RPL30: variants seen among roughly 807,000 people sequenced by gnomAD.
The protein encoded by RPL30 is large ribosomal subunit protein eL30.
For synonymous variants in RPL30, 40 were observed against 50.4 expected (o/e 0.79, Z 0.87); for missense variants, 60 against 138.0 (o/e 0.43, Z 2.83).
Position 98,045,349 on chromosome 8 carries a change from T to G in RPL30, c.19A>C (p.Thr7Pro). 1 of 1,614,168 alleles carries G rather than the reference T, an allele frequency of 6.2e-7. No homozygotes were observed. Among genetic ancestry groups the G allele is most frequent in the Non-Finnish European group, 8.5e-7 (1 of 1,180,032 alleles). Residue 7 changes from threonine to proline, a missense_variant and splice_region_variant, in exon 2 of 5, where the codon ACG (threonine) becomes CCG (proline). Thr to Pro is a conservative substitution (Grantham distance 38, BLOSUM62 -1). Coordinates refer to ENST00000287038, the MANE Select transcript of RPL30 (RefSeq NM_000989.4). MVAAKK[T>P]KKSLESINSR... is the part of the protein sequence containing the mutation. ...CGGGCCTGGCCCGCCTCACTCACCG[T>G]CTTCTTTGCGGCCACCATCTTCCTG...
intron 2 of RPL30, 67 bp downstream of exon 2, chr8:98,045,280 T>G: frequency 6.2e-7 from 1 of 1,609,088 alleles, no homozygotes; most frequent in Non-Finnish European, 8.5e-7. Context: ...TGGGCTCACA[T>G]CTGCCCGCCC....
intron 4 of RPL30, 31 bp downstream of exon 4, chr8:98,042,614 A>AG (rs1224157323): frequency 1.3e-6 from 2 of 1,590,620 alleles, no homozygotes; most frequent in East Asian, 4.5e-5. Context: ...AAGGCAAAAA[A>AG]AAAAAAGACT....
chr8:98,045,309 A>ACGT (rs1490822817), intron 2 of RPL30, 38 bp downstream of exon 2: 1 of 1,613,846 alleles, frequency 6.2e-7, no homozygotes, highest in Admixed American at 1.7e-5. Context: ...ACATCTCTCC[A>ACGT]CGTGAATCGT....
intron 2 of RPL30, 48 bp downstream of exon 2, chr8:98,045,299 A>C: frequency 6.2e-7 from 1 of 1,613,688 alleles, no homozygotes; most frequent in Non-Finnish European, 8.5e-7. Context: ...CCTGGCCAAG[A>C]CATCTCTCCA....
At chr8:98,044,289 G>C (rs1019821512) in intron 3 of RPL30, 1 of 152,272 alleles carries the variant, frequency 6.6e-6, no homozygotes. Context: ...CCGAACCCAT[G>C]GGACAAGACA....
intron 4 of RPL30, 159 bp from the exon 5 acceptor site, chr8:98,042,009 TTTC>T (rs1563744346): frequency 1.4e-6 from 1 of 718,236 alleles, no homozygotes; most frequent in Non-Finnish European, 2.5e-6. Flanking sequence ...TACTGTCATT[TTTC>T]TTAAGGTTGA....
chr8:98,041,865 T>TAAA lies in RPL30; in HGVS notation c.299-18_299-16dup, dbSNP rs746592489. 6.4e-7 allele frequency: 1 copy of TAAA among 1,558,786 alleles called. No individual in the cohort carries two copies. The highest frequency in any genetic ancestry group is 2.2e-5 in the East Asian group (1 of 44,516). ...GTCAGAGTCACCTAAAAAATAAAAA[T>TAAA]AAAAAAACAGTAATTTTACAATTCA... is the stretch of plus-strand genomic sequence containing the variant. On this transcript the variant is annotated splice_polypyrimidine_tract_variant and intron_variant, in intron 4 of 4. Transcript: ENST00000287038.
chr8:98,042,061 A>G, intron 4 of RPL30: 1 of 708,872 alleles, frequency 1.4e-6, no homozygotes, highest in Non-Finnish European at 2.6e-6. Context: ...ATATAATCAC[A>G]TAAAATGATC....
intron 4 of RPL30, chr8:98,042,204 G>A (rs752337134): frequency 3.6e-6 from 2 of 554,334 alleles, no homozygotes; most frequent in East Asian, 4.8e-5. Context: ...TCAGAACAGC[G>A]AGAATATTCG....
At chr8:98,042,179 C>T (rs770841667) in intron 4 of RPL30, 9 of 573,564 alleles carry the variant, frequency 1.6e-5, no homozygotes, top group Non-Finnish European at 3.0e-5. Context: ...TTAGCCTGTC[C>T]TGACTATTAC....
chr8:98,042,552 G>T, intron 4 of RPL30, 93 bp downstream of exon 4: 1 of 1,233,146 alleles, frequency 8.1e-7, no homozygotes, highest in Non-Finnish European at 1.1e-6. Flanking sequence ...CTGAATTTAG[G>T]AACCAAAGAC....
In RPL30 at chr8:98,045,184, G is replaced by A; in HGVS notation, c.22-96C>T. ...TTGAAGCCGAGCCCCTTAAACTTCC[G>A]AAGTCGAGGACCCCAAGTCATTGAG... On this transcript the variant is annotated intron_variant, in intron 2 of 4. Coordinates refer to ENST00000287038, the MANE Select transcript of RPL30 (RefSeq NM_000989.4). 5.8e-6 allele frequency: 9 copies of A among 1,550,988 alleles called. No homozygotes were observed. The South Asian group carries it at 5.9e-5, about 10-fold the overall frequency.
At chr8:98,042,535 A>ATTCT (rs2130480303) in intron 4 of RPL30, 110 bp downstream of exon 4, 1 of 1,053,780 alleles carries the variant, frequency 9.5e-7, no homozygotes, top group Admixed American at 2.2e-5. Context: ...CTAGATCCAT[A>ATTCT]TTCTATCTGA....
intron 4 of RPL30, chr8:98,042,419 AATTC>A (rs1311212050): frequency 4.1e-6 from 2 of 487,208 alleles, no homozygotes; most frequent in East Asian, 7.9e-5. Flanking sequence ...CATCAAATGA[AATTC>A]ATTATCTGAC....
At chr8:98,042,056 A>G (rs1463721956) in intron 4 of RPL30, 1 of 710,102 alleles carries the variant, frequency 1.4e-6, no homozygotes, top group East Asian at 2.7e-5. Context: ...CCATTATATA[A>G]TCACATAAAA....
intron 3 of RPL30, 37 bp from the exon 4 acceptor site, chr8:98,042,812 T>TAC: frequency 3.3e-6 from 5 of 1,531,924 alleles, no homozygotes; most frequent in Non-Finnish European, 4.4e-6. Flanking sequence ...ATAAATGCGA[T>TAC]ACCAAGTGAC....
In RPL30 at chr8:98,041,735, A is replaced by C; in HGVS notation, c.*66T>G. ...TAGATACAATGTTTTTAAAACAAGCAAATTTTATTAAAGGAAAATTTTGCA... is the reference window on the plus strand; with the variant it reads ...TAGATACAATGTTTTTAAAACAAGCCAATTTTATTAAAGGAAAATTTTGCA... On this transcript the variant is annotated 3_prime_UTR_variant, in exon 5 of 5. Transcript: ENST00000287038. The C allele has an allele frequency of 3.7e-6, 4 of 1,072,734 alleles. No homozygotes were observed. The East Asian group carries it at 9.5e-5, about 25-fold the overall frequency. 66.5% of individuals were successfully genotyped at this position (1,072,734 alleles called of 1,614,324 possible).
At chr8:98,042,800 A>T (rs1327111329) in intron 3 of RPL30, 25 bp from the exon 4 acceptor site, 1 of 1,549,096 alleles carries the variant, frequency 6.5e-7, no homozygotes, top group Non-Finnish European at 8.7e-7. Context: ...ATGGGCAAAT[A>T]AATAAATGCG....
chr8:98,042,505 C>A lies in RPL30; in HGVS notation c.298+140G>T, dbSNP rs567671885. 7.0e-5 allele frequency: 56 copies of A among 796,604 alleles called. 1 individual carries two copies. In the South Asian group the frequency reaches 8.7e-4, roughly 12 times the overall value. 49.3% of individuals were successfully genotyped at this position (796,604 alleles called of 1,614,324 possible). On this transcript the variant is annotated intron_variant, in intron 4 of 4. Coordinates refer to ENST00000287038, the MANE Select transcript of RPL30 (RefSeq NM_000989.4). ...TTCATTACCAATTCTCTACAAAATA[C>A]AACTACACGATATGCCTTGCTAGAT... is the stretch of plus-strand genomic sequence containing the variant.
Sources: allele counts gnomAD v4.1 joint callset, GRCh38; gene constraint gnomAD v4.1.1; transcripts MANE v1.5; gene names NCBI Gene and HGNC (gene_info 2026-07-23, HGNC 2026-07-21).